HMGB2: variants seen among roughly 807,000 people sequenced by gnomAD.
HMGB2 encodes high mobility group box 2, also known as high mobility group protein B2.
In HMGB2, 2 loss-of-function variants were observed where a neutral mutation model predicts 23.0. The ratio of observed to expected loss-of-function variants is 0.09; its 90% CI spans 0.04 to 0.27. The LOEUF (loss-of-function observed/expected upper bound fraction) is 0.27, where lower values mean the gene tolerates loss of function less well. Ranked by LOEUF, HMGB2 falls within the 10% of genes least tolerant of loss-of-function variation. The pLI, the probability that HMGB2 is intolerant of heterozygous loss-of-function variation, is 1.00. For missense variants in HMGB2, 178 were observed against 256.5 expected (o/e 0.69, Z 2.09); for synonymous variants, 99 against 87.5 (o/e 1.13, Z -0.73).
Position 173,333,581 on chromosome 4 carries a change from G to A in HMGB2, c.69C>T (p.Cys23=), listed in dbSNP as rs1357040396. The change falls in exon 2 of 5, where the codon TGC becomes TGT. Residue 23 remains cysteine, a synonymous_variant. Transcript: ENST00000296503. The surrounding 1 kb of genome is among the most constrained non-coding windows in gnomAD (Gnocchi z 4.6). ...MSSYAFFVQT[C]REEHKKKHPD... is the part of the protein sequence containing the mutation. Reference sequence around the variant, plus strand: ...GGTGTTTCTTCTTGTGCTCTTCCCGGCAGGTCTGCACGAAGAAGGCGTACG... The same window carrying A: ...GGTGTTTCTTCTTGTGCTCTTCCCGACAGGTCTGCACGAAGAAGGCGTACG... 1.2e-6 allele frequency: 2 copies of A among 1,614,150 alleles called. No individual in the cohort carries two copies. Among genetic ancestry groups the A allele is most frequent in the East Asian group, 4.5e-5 (2 of 44,872 alleles).
rs1405484979 is a variant in HMGB2 at position 173,333,297 on chromosome 4, C to G, written c.151-83G>C. Reference sequence around the variant, plus strand: ...AAGACGACAAGATCATCTTTAAGGACCACATTTTCCTTAACAGCATTTTGC... The same window carrying G: ...AAGACGACAAGATCATCTTTAAGGAGCACATTTTCCTTAACAGCATTTTGC... On this transcript the variant is annotated intron_variant, in intron 2 of 4. Transcript: ENST00000296503. The surrounding 1 kb of genome is among the most constrained non-coding windows in gnomAD (Gnocchi z 4.6). 1 of 1,465,364 alleles carries G rather than the reference C, an allele frequency of 6.8e-7. No homozygotes were observed. The highest frequency in any genetic ancestry group is 1.4e-5 in the African/African-American group (1 of 70,428). 90.8% of individuals were successfully genotyped at this position (1,465,364 alleles called of 1,614,324 possible).
At position 173,332,842 on chromosome 4, in the gene HMGB2, C is replaced by T. The variant is rs758084748; in HGVS notation, c.450G>A (p.Lys150=). The stretch of plus-strand genomic sequence containing the variant: ...GTACCTTTTCATATTTCTCCTTTAG[C>T]TTAGCTGCTTTCTGTTCATATGGTT... The part of the protein sequence containing the change: ...DKQPYEQKAA[K]LKEKYEKDIA... Residue 150 remains lysine, a synonymous_variant, in exon 4 of 5, where the codon AAG becomes AAA. Coordinates refer to ENST00000296503, the MANE Select transcript of HMGB2 (RefSeq NM_002129.4). 1.2e-6 allele frequency: 2 copies of T among 1,614,120 alleles called. No homozygotes were observed. The highest frequency in any genetic ancestry group is 2.7e-5 in the African/African-American group (2 of 75,038).
chr4:173,332,072 A>G lies in HMGB2; in HGVS notation c.*8T>C. On this transcript the variant is annotated 3_prime_UTR_variant, in exon 5 of 5. Coordinates refer to ENST00000296503, the MANE Select transcript of HMGB2 (RefSeq NM_002129.4). ...CACATTCCACACGCATCATTAAAGGATAGCCATTTATTCTTCATCTTCATC... is the reference window on the plus strand; with the variant it reads ...CACATTCCACACGCATCATTAAAGGGTAGCCATTTATTCTTCATCTTCATC... 1 of 1,613,822 alleles carries G rather than the reference A, an allele frequency of 6.2e-7. No homozygotes were observed. Among genetic ancestry groups the G allele is most frequent in the East Asian group, 2.2e-5 (1 of 44,874 alleles).
Position 173,332,040 on chromosome 4 carries a change from A to G in HMGB2, c.*40T>C, listed in dbSNP as rs767584261. ...TTCTTAGCAAAATAATTGCCTGAGC[A>G]CACACACACATTCCACACGCATCAT... is the stretch of plus-strand genomic sequence containing the variant. On this transcript the variant is annotated 3_prime_UTR_variant, in exon 5 of 5. Transcript: ENST00000296503. 18 of 1,602,044 alleles carry G rather than the reference A, an allele frequency of 1.1e-5. No individual in the cohort carries two copies. Among genetic ancestry groups the G allele is most frequent in the East Asian group, 4.5e-5 (2 of 44,468 alleles).
At position 173,332,182 on chromosome 4, in the gene HMGB2, G is replaced by A. The variant is rs1395896210; in HGVS notation, c.528C>T (p.Gly176=). 1.2e-6 allele frequency: 2 copies of A among 1,611,740 alleles called. No homozygotes were observed. The highest frequency in any genetic ancestry group is 1.7e-6 in the Non-Finnish European group (2 of 1,178,818). ...TCTTCTTCTTTGAGCCTGTTGGCCT[G>A]CCAGGGCCCTTCTTTCCTGCTTCAC... ...GKSEAGKKGP[G]RPTGSKKKNE... The change falls in exon 5 of 5, where the codon GGC becomes GGT. Residue 176 remains glycine, a synonymous_variant. Coordinates refer to ENST00000296503, the MANE Select transcript of HMGB2 (RefSeq NM_002129.4).
intron 4 of HMGB2, chr4:173,332,525 C>A: frequency 4.3e-6 from 2 of 465,746 alleles, no homozygotes; most frequent in Admixed American, 3.8e-5. Flanking sequence ...TATATATCTA[C>A]ATAAAACAAT....
Position 173,333,507 on chromosome 4 carries a change from C to T in HMGB2, c.143G>A (p.Arg48Lys). ...GTCCCTCTCCTGCCTCACCTTCCAT[C>T]TCTCCGAACACTTCTTGGAGAATTC... is the stretch of plus-strand genomic sequence containing the variant. ...FAEFSKKCSE[R>K]WKTMSAKEKS... The change falls in exon 2 of 5, where the codon AGA (arginine) becomes AAA (lysine). Residue 48 changes from arginine (R) to lysine (K), a missense_variant. Physicochemically the swap from Arg to Lys is conservative, Grantham distance 26. Transcript: ENST00000296503. This position sits in a 1 kb window ranked among gnomAD's most constrained non-coding sequence, Gnocchi z 4.6. 6.2e-7 allele frequency: 1 copy of T among 1,613,382 alleles called. No homozygotes were observed. Among genetic ancestry groups the T allele is most frequent in the Non-Finnish European group, 8.5e-7 (1 of 1,179,526 alleles).
chr4:173,332,038 GCACA>G lies in HMGB2; in HGVS notation c.*38_*41del, dbSNP rs745777808. ...CATTCTTAGCAAAATAATTGCCTGA[GCACA>G]CACACACATTCCACACGCATCATTA... On this transcript the variant is annotated 3_prime_UTR_variant, in exon 5 of 5. Transcript: ENST00000296503. The G allele has an allele frequency of 1.4e-5, 23 of 1,606,936 alleles. No individual in the cohort carries two copies. In the South Asian group the frequency reaches 2.2e-4, roughly 16 times the overall value.
At chr4:173,332,641 A>G in intron 4 of HMGB2, 180 bp downstream of exon 4, 1 of 615,114 alleles carries the variant, frequency 1.6e-6, no homozygotes, top group Non-Finnish European at 2.9e-6. Flanking sequence ...TGCTACAAAC[A>G]CTGGTTTCAG....
In HMGB2 at chr4:173,333,260, T is replaced by A. The variant is rs1172127058; in HGVS notation, c.151-46A>T. 1.3e-6 allele frequency: 2 copies of A among 1,576,776 alleles called. No individual in the cohort carries two copies. Among genetic ancestry groups the A allele is most frequent in the Non-Finnish European group, 1.7e-6 (2 of 1,161,654 alleles). On this transcript the variant is annotated intron_variant, in intron 2 of 4. Transcript: ENST00000296503. This position sits in a 1 kb window ranked among gnomAD's most constrained non-coding sequence, Gnocchi z 4.6. ...CCAAAAATACAGCAAAATTGTTACC[T>A]ATAAACATCCAAAGACGACAAGATC... is the stretch of plus-strand genomic sequence containing the variant.
chr4:173,332,060 C>T lies in HMGB2; in HGVS notation c.*20G>A, dbSNP rs1320559712. On this transcript the variant is annotated 3_prime_UTR_variant, in exon 5 of 5. Transcript: ENST00000296503. ...TGAGCACACACACACATTCCACACG[C>T]ATCATTAAAGGATAGCCATTTATTC... 3 of 1,613,502 alleles carry T rather than the reference C, an allele frequency of 1.9e-6. No homozygotes were observed. Among genetic ancestry groups the T allele is most frequent in the South Asian group, 2.2e-5 (2 of 91,050 alleles).
Position 173,331,999 on chromosome 4 carries a change from T to A in HMGB2, c.*81A>T. The A allele has an allele frequency of 6.3e-7, 1 of 1,591,466 alleles. No homozygotes were observed. The highest frequency in any genetic ancestry group is 8.6e-7 in the Non-Finnish European group (1 of 1,168,154). Reference sequence around the variant, plus strand: ...TTTTATACTGAAGCTAGTATTGAGCTGCACTTGAATTCACATTCTTAGCAA... The same window carrying A: ...TTTTATACTGAAGCTAGTATTGAGCAGCACTTGAATTCACATTCTTAGCAA... On this transcript the variant is annotated 3_prime_UTR_variant, in exon 5 of 5. Transcript: ENST00000296503.
At position 173,333,802 on chromosome 4, in the gene HMGB2, A is replaced by T; in HGVS notation, c.-20-133T>A. The T allele has an allele frequency of 2.1e-5, 10 of 487,370 alleles. No individual in the cohort carries two copies. Among genetic ancestry groups the T allele is most frequent in the East Asian group, 5.1e-5 (1 of 19,440 alleles). 30.2% of individuals were successfully genotyped at this position (487,370 alleles called of 1,614,324 possible). On this transcript the variant is annotated intron_variant, in intron 1 of 4. Coordinates refer to ENST00000296503, the MANE Select transcript of HMGB2 (RefSeq NM_002129.4). The surrounding 1 kb of genome is among the most constrained non-coding windows in gnomAD (Gnocchi z 4.6). The stretch of plus-strand genomic sequence containing the variant: ...CCCTGCCCGCGCCCCCCTCCTCCCG[A>T]GGGCGTCCTCCCAAGGGCGGCCGCC...
Position 173,333,316 on chromosome 4 carries a change from A to G in HMGB2, c.151-102T>C. 4 of 1,424,426 alleles carry G rather than the reference A, an allele frequency of 2.8e-6. No homozygotes were observed. The highest frequency in any genetic ancestry group is 3.8e-6 in the Non-Finnish European group (4 of 1,048,652). The allele number at this position is 1,424,426 out of a possible 1,614,324, so 88.2% of individuals were successfully genotyped here. A position where few individuals can be genotyped will look rare whatever the true frequency, so the allele number is the denominator to read the frequency against. On this transcript the variant is annotated intron_variant, in intron 2 of 4. Transcript: ENST00000296503. This position sits in a 1 kb window ranked among gnomAD's most constrained non-coding sequence, Gnocchi z 4.6. ...TAAGGACCACATTTTCCTTAACAGCATTTTGCTTTCGAAGTCTTATATAAG... is the reference window on the plus strand; with the variant it reads ...TAAGGACCACATTTTCCTTAACAGCGTTTTGCTTTCGAAGTCTTATATAAG...
In HMGB2 at chr4:173,333,664, G is replaced by T. The variant is rs773600672; in HGVS notation, c.-15C>A. The T allele has an allele frequency of 6.3e-7, 1 of 1,595,770 alleles. No homozygotes were observed. Among genetic ancestry groups the T allele is most frequent in the South Asian group, 1.1e-5 (1 of 89,784 alleles). ...CCTTTACCCATGTTGACAGATCCGC[G>T]TCCACCTGACGGGGCCGAGGGGGGA... is the stretch of plus-strand genomic sequence containing the variant. On this transcript the variant is annotated 5_prime_UTR_variant, in exon 2 of 5. Transcript: ENST00000296503. The surrounding 1 kb of genome is among the most constrained non-coding windows in gnomAD (Gnocchi z 4.6).
Position 173,331,956 on chromosome 4 carries a change from T to C in HMGB2, c.*124A>G. 4 of 1,352,432 alleles carry C rather than the reference T, an allele frequency of 3.0e-6. No homozygotes were observed. Among genetic ancestry groups the C allele is most frequent in the Non-Finnish European group, 4.0e-6 (4 of 996,892 alleles). The allele number at this position is 1,352,432 out of a possible 1,614,324, so 83.8% of individuals were successfully genotyped here. ...TCTCTACAGAGAATCTTATCAGCTA[T>C]ACAAAAATCTGTACAGTTTTTATAC... On this transcript the variant is annotated 3_prime_UTR_variant, in exon 5 of 5. Transcript: ENST00000296503.
chr4:173,331,376 A>ATATATATATATATATATACATG lies in HMGB2; in HGVS notation c.*703_*704insCATGTATATATATATATATATA, dbSNP rs1491216260. ...TACGTATATATGTGTATATATATAC[A>ATATATATATATATATATACATG]TATATATATATATATATATGTATAT... is the stretch of plus-strand genomic sequence containing the variant. On this transcript the variant is annotated 3_prime_UTR_variant, in exon 5 of 5. Transcript: ENST00000296503. 1.5e-4 allele frequency among the ~76,000 whole-genome samples: 1 copy of ATATATATATATATATATACATG among 6,554 alleles called. No homozygotes were observed. The highest frequency in any genetic ancestry group is 1.9e-4 in the African/African-American group (1 of 5,164). The allele number at this position is 6,554 out of a possible 152,430, so 4.3% of individuals were successfully genotyped here.
chr4:173,333,632 G>T lies in HMGB2; in HGVS notation c.18C>A (p.Pro6=), dbSNP rs1345897112. ...AGGACATTTTGCCCCGCGGCTTGTTGGGGTCTCCTTTACCCATGTTGACAG... is the reference window on the plus strand; with the variant it reads ...AGGACATTTTGCCCCGCGGCTTGTTTGGGTCTCCTTTACCCATGTTGACAG... MGKGD[P]NKPRGKMSSY... The change falls in exon 2 of 5, where the codon CCC becomes CCA. Residue 6 remains proline (P), a synonymous_variant. Transcript: ENST00000296503. This position sits in a 1 kb window ranked among gnomAD's most constrained non-coding sequence, Gnocchi z 4.6. 6.2e-7 allele frequency: 1 copy of T among 1,613,982 alleles called. No individual in the cohort carries two copies. Among genetic ancestry groups the T allele is most frequent in the Non-Finnish European group, 8.5e-7 (1 of 1,179,868 alleles).
At position 173,331,734 on chromosome 4, in the gene HMGB2, A is replaced by T. The variant is rs548746008; in HGVS notation, c.*346T>A. On this transcript the variant is annotated 3_prime_UTR_variant, in exon 5 of 5. Coordinates refer to ENST00000296503, the MANE Select transcript of HMGB2 (RefSeq NM_002129.4). ...ATAATTTTATTACAAAATTTTTTTTAAAAAAACGAAATGCAACATCCTAAA... is the reference window on the plus strand; with the variant it reads ...ATAATTTTATTACAAAATTTTTTTTTAAAAAACGAAATGCAACATCCTAAA... 1.2e-3 allele frequency: 217 copies of T among 177,324 alleles called. 7 individuals carry two copies. In the East Asian group the frequency reaches 0.023, roughly 18 times the overall value. 11.0% of individuals were successfully genotyped at this position (177,324 alleles called of 1,614,324 possible).
Sources: gnomAD v4.1 joint callset for allele counts (sites outside exome capture counted in the v4.1 genomes callset) on GRCh38, gnomAD v4.1.1 for gene constraint, Gnocchi (gnomAD v3.1) non-coding constraint, MANE v1.5 for transcripts, NCBI Gene and HGNC (gene_info 2026-07-23, HGNC 2026-07-21) for gene names.